The following ABTB3 variants were observed in gnomAD, a reference collection of about 807,000 sequenced individuals.
ABTB3 encodes the protein ankyrin repeat and BTB domain containing 3.
chr12:107,320,810 A>G, the ABTB3 span, among the ~76,000 whole-genome samples: 1 of 151,758 alleles, frequency 6.6e-6, no homozygotes, highest in Non-Finnish European at 1.5e-5. Context: ...TGCAGCTCTC[A>G]CCACTTGGCT....
the ABTB3 span, among the ~76,000 whole-genome samples, chr12:107,573,482 A>G: frequency 2.6e-5 from 4 of 151,936 alleles, no homozygotes; most frequent in East Asian, 1.9e-4. Flanking sequence ...GGATGGATGG[A>G]TGGATGGATG....
At chr12:107,391,124 C>T in the ABTB3 span, among the ~76,000 whole-genome samples, 1 of 152,212 alleles carries the variant, frequency 6.6e-6, no homozygotes, top group African/African-American at 2.4e-5. Context: ...GCACTCTAGC[C>T]TAGGTGACAG....
chr12:107,488,568 A>C, the ABTB3 span, among the ~76,000 whole-genome samples: 2 of 152,064 alleles, frequency 1.3e-5, no homozygotes, highest in South Asian at 4.1e-4. Context: ...AGCCATCACT[A>C]AACACTTTGA....
chr12:107,331,978 T>C, the ABTB3 span, among the ~76,000 whole-genome samples: 1 of 152,290 alleles, frequency 6.6e-6, no homozygotes, highest in East Asian at 1.9e-4. Context: ...GCATGAGAGC[T>C]ATGGATTAAG....
At chr12:107,439,252 G>T in the ABTB3 span, among the ~76,000 whole-genome samples, 5 of 152,088 alleles carry the variant, frequency 3.3e-5, no homozygotes, top group African/African-American at 1.2e-4. Flanking sequence ...TTAACGATAA[G>T]GTTGGCCATT....
the ABTB3 span, among the ~76,000 whole-genome samples, chr12:107,389,834 ATGTGTGTGTGTTTGTGTGTG>A: frequency 8.9e-4 from 91 of 101,964 alleles, no homozygotes; most frequent in African/African-American, 3.7e-3. Context: ...ATGCTGGGGC[ATGTGTGTGTGTTTGTGTGTG>A]TGTGTGTGTG....
the ABTB3 span, among the ~76,000 whole-genome samples, chr12:107,410,585 G>C: frequency 6.6e-6 from 1 of 152,198 alleles, no homozygotes; most frequent in Admixed American, 6.5e-5. Flanking sequence ...CAAGGGGAGG[G>C]AATAGCCATG....
At chr12:107,632,986 C>A in the ABTB3 span, among the ~76,000 whole-genome samples, 1 of 152,238 alleles carries the variant, frequency 6.6e-6, no homozygotes. Flanking sequence ...GTTCTCCCCC[C>A]TCCCGTCTGA....
the ABTB3 span, among the ~76,000 whole-genome samples, chr12:107,456,073 C>T: frequency 6.6e-6 from 1 of 152,222 alleles, no homozygotes; most frequent in Non-Finnish European, 1.5e-5. Flanking sequence ...ACAAATGTAT[C>T]ATAAATGTTT....
At chr12:107,415,292 T>C in the ABTB3 span, among the ~76,000 whole-genome samples, 6 of 152,162 alleles carry the variant, frequency 3.9e-5, no homozygotes, top group Admixed American at 2.6e-4. Context: ...ATTTTAATTA[T>C]TTGAGTAGCG....
At chr12:107,628,265 C>T in the ABTB3 span, among the ~76,000 whole-genome samples, 3 of 152,182 alleles carry the variant, frequency 2.0e-5, no homozygotes, top group Non-Finnish European at 4.4e-5. Context: ...CTCAGCCTCC[C>T]GAGTAGCTGA....
chr12:107,569,192 G>A, the ABTB3 span, among the ~76,000 whole-genome samples: 1 of 152,196 alleles, frequency 6.6e-6, no homozygotes, highest in African/African-American at 2.4e-5. Flanking sequence ...AAGATGGCAT[G>A]GGGGAAGCTC....
the ABTB3 span, chr12:107,544,201 T>C: frequency 6.5e-7 from 1 of 1,534,690 alleles, no homozygotes; most frequent in South Asian, 1.2e-5. Context: ...GGGGCAAGTG[T>C]CCAGGATGGG....
At chr12:107,484,367 G>A in the ABTB3 span, among the ~76,000 whole-genome samples, 1 of 152,310 alleles carries the variant, frequency 6.6e-6, no homozygotes, top group African/African-American at 2.4e-5. Flanking sequence ...TCCAGGCAGA[G>A]GGATGAGTAG....
chr12:107,558,946 G>A, the ABTB3 span, among the ~76,000 whole-genome samples: 123 of 151,678 alleles, frequency 8.1e-4, no homozygotes, highest in African/African-American at 2.3e-3. Context: ...CCCACCCCCC[G>A]TGGGGCCCCA....
the ABTB3 span, chr12:107,486,705 C>T: frequency 6.7e-6 from 1 of 149,676 alleles, no homozygotes; most frequent in African/African-American, 2.5e-5. Context: ...ACCACATCCT[C>T]CTCGGGACCT....
the ABTB3 span, among the ~76,000 whole-genome samples, chr12:107,355,368 C>T: frequency 6.6e-6 from 1 of 152,226 alleles, no homozygotes; most frequent in Admixed American, 6.5e-5. Context: ...GGGGACTGGA[C>T]CACGTGGAAC....
chr12:107,442,666 C>T, the ABTB3 span, among the ~76,000 whole-genome samples: 1 of 152,054 alleles, frequency 6.6e-6, no homozygotes, highest in South Asian at 2.1e-4. Flanking sequence ...AAGCTTAAAG[C>T]ATGAAAATCC....
chr12:107,609,648 C>T, the ABTB3 span, among the ~76,000 whole-genome samples: 2 of 152,336 alleles, frequency 1.3e-5, no homozygotes, highest in South Asian at 2.1e-4. Context: ...TCAGAAGTCC[C>T]CAGCCTAGAG....
Sources: gnomAD v4.1 joint callset for allele counts (sites outside exome capture counted in the v4.1 genomes callset) on GRCh38, gnomAD v4.1.1 for gene constraint, MANE v1.5 for transcripts, NCBI Gene and HGNC (gene_info 2026-07-23, HGNC 2026-07-21) for gene names.